BCAR3: variants seen among roughly 807,000 people sequenced by gnomAD.
BCAR3 encodes the protein breast cancer anti-estrogen resistance protein 3.
In BCAR3, 37 loss-of-function variants were observed where a neutral mutation model predicts 80.1. The observed-to-expected ratio is 0.46, with a 90% CI of 0.36 to 0.61. The LOEUF (loss-of-function observed/expected upper bound fraction) is 0.61, where lower values mean the gene tolerates loss of function less well. Among genes scored for constraint, BCAR3 ranks in the 20% least tolerant of loss-of-function variants. The pLI is 0.00. For missense variants in BCAR3, 978 were observed against 1,068.2 expected, an observed-to-expected ratio of 0.92 and a Z score of 1.18; for synonymous variants, 389 against 418.9, an observed-to-expected ratio of 0.93 and a Z score of 0.87.
intron 2 of BCAR3, among the ~76,000 whole-genome samples, chr1:93,799,499 T>C (rs1219489161): frequency 6.6e-6 from 1 of 152,230 alleles, no homozygotes. Context: ...TGGAGTTGGG[T>C]ATGCAAAAAT....
At chr1:93,638,143 G>A (rs575992157) in intron 3 of BCAR3, among the ~76,000 whole-genome samples, 3 of 152,330 alleles carry the variant, frequency 2.0e-5, no homozygotes, top group Admixed American at 2.0e-4. Flanking sequence ...CAGCTACTCG[G>A]GAGGCTGAGG....
intron 3 of BCAR3, among the ~76,000 whole-genome samples, chr1:93,618,925 TTTTTTTTTTTTTTG>T (rs1334189996): frequency 2.0e-5 from 2 of 101,606 alleles, no homozygotes; most frequent in Non-Finnish European, 3.5e-5. Context: ...AAGCCGTGGG[TTTTTTTTTTTTTTG>T]TTTTTTTTTT....
chr1:93,813,266 A>G (rs555654619), intron 2 of BCAR3, among the ~76,000 whole-genome samples: 4 of 152,270 alleles, frequency 2.6e-5, no homozygotes, highest in Middle Eastern at 3.4e-3. Flanking sequence ...ATCTATTATC[A>G]GGTAAGCTTT....
In BCAR3 at chr1:93,589,162, G is replaced by A; in HGVS notation, c.744C>T (p.Ile248=). The A allele has an allele frequency of 6.2e-7, 1 of 1,613,786 alleles. No individual in the cohort carries two copies. Among genetic ancestry groups the A allele is most frequent in the Non-Finnish European group, 8.5e-7 (1 of 1,179,930 alleles). The change falls in exon 5 of 12, where the codon ATC becomes ATT. Residue 248 remains isoleucine, a synonymous_variant. Transcript: ENST00000260502. The stretch of plus-strand genomic sequence containing the variant: ...CCGTCCTGTTGATGGGCTGGAAGAT[G>A]ATGGCGCCACTCTGCTGGGAGATGG... ...RRPISQQSGA[I]IFQPINRTVP... is the part of the protein sequence containing the mutation.
chr1:93,803,712 G>T (rs554166489), intron 2 of BCAR3, among the ~76,000 whole-genome samples: 3 of 152,232 alleles, frequency 2.0e-5, no homozygotes, highest in African/African-American at 7.2e-5. Context: ...TAGACTTAAA[G>T]AAATCAAAGT....
intron 3 of BCAR3, among the ~76,000 whole-genome samples, chr1:93,631,918 T>C (rs1345653878): frequency 6.6e-6 from 1 of 152,116 alleles, no homozygotes; most frequent in Non-Finnish European, 1.5e-5. Context: ...AGAAAACCCA[T>C]CTCAGGCTGC....
At chr1:93,631,626 T>A (rs1468158768) in intron 3 of BCAR3, among the ~76,000 whole-genome samples, 1 of 152,222 alleles carries the variant, frequency 6.6e-6, no homozygotes, top group Admixed American at 6.5e-5. Context: ...TTTCAATTCT[T>A]GCCTGCCTGT....
chr1:93,656,220 A>C (rs1647370450), intron 2 of BCAR3, among the ~76,000 whole-genome samples: 1 of 152,030 alleles, frequency 6.6e-6, no homozygotes, highest in Non-Finnish European at 1.5e-5. Flanking sequence ...ACCATTTCTC[A>C]TTATTATTTA....
intron 5 of BCAR3, among the ~76,000 whole-genome samples, chr1:93,587,840 T>C (rs1326170584): frequency 6.6e-6 from 1 of 152,140 alleles, no homozygotes; most frequent in Non-Finnish European, 1.5e-5. Flanking sequence ...TTTCCCTCCT[T>C]TCCTTTCCCA....
intron 2 of BCAR3, among the ~76,000 whole-genome samples, chr1:93,817,501 G>C (rs1277383159): frequency 6.6e-6 from 1 of 152,174 alleles, no homozygotes; most frequent in Non-Finnish European, 1.5e-5. Flanking sequence ...ATGAGGAAAT[G>C]AGTCTCTGAA....
At chr1:93,613,803 C>T (rs1675023899) in intron 3 of BCAR3, 2 of 1,544,330 alleles carry the variant, frequency 1.3e-6, no homozygotes, top group Non-Finnish European at 1.8e-6. Context: ...TTCAGGGTCC[C>T]CCAAAAGATT....
At chr1:93,846,839 C>A (rs1035538232) in intron 1 of BCAR3, 2 of 473,690 alleles carry the variant, frequency 4.2e-6, no homozygotes, top group Non-Finnish European at 8.7e-6. Flanking sequence ...CGGGGCGCGT[C>A]GCCCCCCTCA....
chr1:93,583,076 T>C, intron 6 of BCAR3, 123 bp from the exon 7 acceptor site: 1 of 1,180,524 alleles, frequency 8.5e-7, no homozygotes, highest in Admixed American at 2.8e-5. Flanking sequence ...TTCATTTTCA[T>C]TTCCAAAAGA....
intron 11 of BCAR3, among the ~76,000 whole-genome samples, chr1:93,563,413 A>T (rs1672787190): frequency 6.6e-6 from 1 of 152,194 alleles, no homozygotes; most frequent in Non-Finnish European, 1.5e-5. Flanking sequence ...TTTTATGGAC[A>T]TGCCATTGTT....
intron 2 of BCAR3, among the ~76,000 whole-genome samples, chr1:93,666,956 G>GAGGA (rs901089303): frequency 2.6e-5 from 4 of 152,132 alleles, no homozygotes; most frequent in African/African-American, 9.7e-5. Flanking sequence ...AGCCTTCCAG[G>GAGGA]AGGAAGGAAG....
In BCAR3 at chr1:93,674,766, T is replaced by C; in HGVS notation, c.165A>G (p.Lys55=). 6.2e-7 allele frequency: 1 copy of C among 1,612,926 alleles called. No individual in the cohort carries two copies. The highest frequency in any genetic ancestry group is 8.5e-7 in the Non-Finnish European group (1 of 1,179,728). ...VSIHGTLPRK[K]KGPPPIRSCD... ...AGGACCTTATGGGAGGAGGACCTTT[T>C]TTCTTCCGTGGAAGGGTGCCATGTA... is the stretch of plus-strand genomic sequence containing the variant. The change falls in exon 2 of 12, where the codon AAA becomes AAG. Residue 55 remains lysine, a synonymous_variant. Transcript: ENST00000260502.
intron 2 of BCAR3, among the ~76,000 whole-genome samples, chr1:93,835,463 T>C (rs1654731098): frequency 6.6e-6 from 1 of 152,140 alleles, no homozygotes; most frequent in South Asian, 2.1e-4. Context: ...CCACTGAAAC[T>C]TCCACCTATC....
chr1:93,704,672 T>A (rs151040034), intron 3 of BCAR3, among the ~76,000 whole-genome samples: 1,737 of 152,150 alleles, frequency 0.011, 15 homozygotes, highest in Non-Finnish European at 0.016. Flanking sequence ...TAGGCAGGAG[T>A]GTGGCATGAT....
chr1:93,651,214 A>G (rs1057484166), intron 2 of BCAR3, among the ~76,000 whole-genome samples: 1 of 152,196 alleles, frequency 6.6e-6, no homozygotes, highest in Non-Finnish European at 1.5e-5. Context: ...GGACTTCTGT[A>G]TGGAAGAAGG....
Sources: gnomAD v4.1 joint callset for allele counts (sites outside exome capture counted in the v4.1 genomes callset) on GRCh38, gnomAD v4.1.1 for gene constraint, MANE v1.5 for transcripts, NCBI Gene and HGNC (gene_info 2026-07-23, HGNC 2026-07-21) for gene names.